Variants in WWC2 observed in about 807,000 individuals in gnomAD.
WWC2 encodes the protein WW and C2 domain containing 2.
Under a neutral mutation model 138.5 loss-of-function variants are expected in WWC2, and 101 were observed. The ratio of observed to expected loss-of-function variants is 0.73; its 90% confidence interval spans 0.62 to 0.86. The LOEUF is 0.86. WWC2 is among the 40% of genes least tolerant of loss of function. The probability of loss-of-function intolerance (pLI) is 0.00; values close to 1 mark genes in which losing one functional copy is unlikely to be tolerated. For missense variants in WWC2, 1,420 were observed against 1,419.4 expected (o/e 1.00, Z -0.01); for synonymous variants, 558 against 538.4 (o/e 1.04, Z -0.50).
chr4:183,320,184 G>A lies in WWC2; in HGVS notation c.*4455G>A. ...TCCCAGCAAAGATAATGAAACTCCA[G>A]CTAGTTGAGCTACAGTTCTAAATAC... On this transcript the variant is annotated 3_prime_UTR_variant, in exon 23 of 23. Transcript: ENST00000403733. 2 of 1,614,126 alleles carry A rather than the reference G, an allele frequency of 1.2e-6. No individual in the cohort carries two copies. Among genetic ancestry groups the A allele is most frequent in the Non-Finnish European group, 1.7e-6 (2 of 1,180,012 alleles).
chr4:183,211,238 G>A (rs1735587167), intron 4 of WWC2, among the ~76,000 whole-genome samples: 1 of 152,106 alleles, frequency 6.6e-6, no homozygotes, highest in Admixed American at 6.5e-5. Context: ...CAGCACTTTA[G>A]GAGGCCAAGG....
At chr4:183,288,864 G>A (rs913661151) in intron 20 of WWC2, among the ~76,000 whole-genome samples, 1 of 152,214 alleles carries the variant, frequency 6.6e-6, no homozygotes, top group South Asian at 2.1e-4. Flanking sequence ...TATTCAGGCT[G>A]ACTGTCATGG....
chr4:183,159,497 C>T (rs186658406), intron 1 of WWC2, among the ~76,000 whole-genome samples: 13 of 152,166 alleles, frequency 8.5e-5, no homozygotes, highest in African/African-American at 2.4e-4. Flanking sequence ...CTCGACTTCC[C>T]GAACTCAGGT....
intron 1 of WWC2, among the ~76,000 whole-genome samples, chr4:183,159,203 C>T (rs1705740437): frequency 6.6e-6 from 1 of 152,154 alleles, no homozygotes; most frequent in Non-Finnish European, 1.5e-5. Context: ...TAGTAGTTCA[C>T]TAGAATTTGA....
Position 183,253,970 on chromosome 4 carries a change from G to A in WWC2, c.1167G>A (p.Arg389=), listed in dbSNP as rs1209292498. The A allele has an allele frequency of 4.3e-6, 7 of 1,613,790 alleles. No individual in the cohort carries two copies. The highest frequency in any genetic ancestry group is 5.9e-6 in the Non-Finnish European group (7 of 1,179,830). ...QRLEEELLSV[R]GTPSRALAER... is the part of the protein sequence containing the mutation. ...TGGAAGAAGAGTTGCTGTCTGTGAGGGGAACACCAAGCAGAGCTCTGGCCG... is the reference window on the plus strand; with the variant it reads ...TGGAAGAAGAGTTGCTGTCTGTGAGAGGAACACCAAGCAGAGCTCTGGCCG... Residue 389 remains arginine (R), a synonymous_variant, in exon 9 of 23, where the codon AGG becomes AGA. Transcript: ENST00000403733.
chr4:183,151,018 T>C, intron 1 of WWC2, among the ~76,000 whole-genome samples: 1 of 152,226 alleles, frequency 6.6e-6, no homozygotes, highest in East Asian at 1.9e-4. Context: ...TGTGTCTTTA[T>C]ATTAGCATGA....
chr4:183,265,306 G>A (rs1305402822), intron 12 of WWC2, among the ~76,000 whole-genome samples, 199 bp downstream of exon 12: 1 of 152,188 alleles, frequency 6.6e-6, no homozygotes, highest in Non-Finnish European at 1.5e-5. Context: ...AAACAGATTG[G>A]TGTACCCAGA....
intron 9 of WWC2, among the ~76,000 whole-genome samples, chr4:183,254,302 C>T (rs1285496593): frequency 6.6e-6 from 1 of 152,116 alleles, no homozygotes; most frequent in African/African-American, 2.4e-5. Context: ...TATTGCACTC[C>T]GATAAGAAAA....
chr4:183,188,138 G>T (rs1269902682), intron 1 of WWC2, among the ~76,000 whole-genome samples: 2 of 152,188 alleles, frequency 1.3e-5, no homozygotes, highest in African/African-American at 4.8e-5. Flanking sequence ...AAGAACGGGG[G>T]AGTGAGGCTA....
chr4:183,267,804 A>G (rs998645051), intron 14 of WWC2, among the ~76,000 whole-genome samples: 4 of 152,198 alleles, frequency 2.6e-5, no homozygotes, highest in African/African-American at 4.8e-5. Flanking sequence ...CCTTCCTGAC[A>G]TATATAGCAA....
chr4:183,264,659 A>G (rs1172190294), intron 11 of WWC2, among the ~76,000 whole-genome samples: 2 of 152,182 alleles, frequency 1.3e-5, no homozygotes, highest in Admixed American at 6.5e-5. Context: ...TGAATATATG[A>G]ACACTGCAGT....
At chr4:183,261,875 T>A (rs1737340771) in intron 11 of WWC2, among the ~76,000 whole-genome samples, 1 of 152,212 alleles carries the variant, frequency 6.6e-6, no homozygotes, top group Admixed American at 6.5e-5. Context: ...GATTTTCTTT[T>A]AAAAGTTGGC....
intron 21 of WWC2, among the ~76,000 whole-genome samples, chr4:183,303,114 T>A (rs1738912133): frequency 6.7e-6 from 1 of 149,898 alleles, no homozygotes; most frequent in South Asian, 2.1e-4. Context: ...AGATAACAAC[T>A]GTTTTTGAGT....
intron 1 of WWC2, among the ~76,000 whole-genome samples, chr4:183,179,205 C>T (rs1030654281): frequency 6.6e-6 from 1 of 152,140 alleles, no homozygotes; most frequent in Middle Eastern, 3.2e-3. Flanking sequence ...TGGAAGAACA[C>T]ATACTGCCCC....
rs1003210678 is a variant in WWC2 at position 183,130,782 on chromosome 4, C to T, written c.131+31160C>T. 2.4e-4 allele frequency among the ~76,000 whole-genome samples: 36 copies of T among 152,248 alleles called. No individual in the cohort carries two copies. The Middle Eastern group carries it at 0.01, about 43-fold the overall frequency. ...TCCTGTCTGCTTCTCTGGATTTGTACCTAACAAGTCACCTTCTTCTTTCCC... is the reference window on the plus strand; with the variant it reads ...TCCTGTCTGCTTCTCTGGATTTGTATCTAACAAGTCACCTTCTTCTTTCCC... On this transcript the variant is annotated intron_variant, in intron 1 of 22. Transcript: ENST00000403733.
At chr4:183,281,118 T>C (rs1463644132) in intron 17 of WWC2, 3 of 559,514 alleles carry the variant, frequency 5.4e-6, no homozygotes, top group Non-Finnish European at 8.5e-6. Flanking sequence ...TTCTTTGTTC[T>C]TGTTTCGAGT....
chr4:183,198,789 TAAA>T (rs56182831), intron 2 of WWC2, among the ~76,000 whole-genome samples: 1 of 72,342 alleles, frequency 1.4e-5, no homozygotes, highest in East Asian at 4.9e-4. Context: ...CTCGTCTCTT[TAAA>T]AAAAAAAAAA....
At chr4:183,162,860 C>T (rs1444486590) in intron 1 of WWC2, among the ~76,000 whole-genome samples, 4 of 152,130 alleles carry the variant, frequency 2.6e-5, no homozygotes, top group Non-Finnish European at 5.9e-5. Flanking sequence ...AATCCCAAAG[C>T]CTTATCAAGG....
At chr4:183,265,169 A>T in intron 12 of WWC2, 62 bp downstream of exon 12, 2 of 1,545,956 alleles carry the variant, frequency 1.3e-6, no homozygotes, top group Non-Finnish European at 1.7e-6. Context: ...GATGTGGGTT[A>T]TATGCTGTAA....
Sources: gnomAD v4.1 joint callset for allele counts (sites outside exome capture counted in the v4.1 genomes callset) on GRCh38, gnomAD v4.1.1 for gene constraint, MANE v1.5 for transcripts, NCBI Gene and HGNC (gene_info 2026-07-23, HGNC 2026-07-21) for gene names.